Variants in TSPAN14 observed in about 807,000 individuals in gnomAD.
The protein encoded by TSPAN14 is tetraspanin 14.
A neutral mutation model predicts 36.6 loss-of-function variants in TSPAN14; 16 were observed. That is an observed-to-expected ratio of 0.44 (90% CI 0.30 to 0.66). The LOEUF is 0.66. Among genes scored for constraint, TSPAN14 ranks in the 30% least tolerant of loss-of-function variants. TSPAN14 has a pLI of 0.12. For synonymous variants in TSPAN14, 139 were observed against 143.8 expected (o/e 0.97, Z 0.24); for missense variants, 231 against 355.1 (o/e 0.65, Z 2.81).
chr10:80,511,744 C>CCCCTT (rs1840651349), intron 5 of TSPAN14, among the ~76,000 whole-genome samples: 1 of 148,082 alleles, frequency 6.8e-6, no homozygotes, highest in Non-Finnish European at 1.5e-5. Flanking sequence ...CTCTCTCTCT[C>CCCCTT]TCTCTCTCTC....
chr10:80,514,827 T>TG (rs1315415925), intron 7 of TSPAN14, among the ~76,000 whole-genome samples: 1 of 152,036 alleles, frequency 6.6e-6, no homozygotes, highest in Non-Finnish European at 1.5e-5. Context: ...GGTGGGGTCT[T>TG]GGGGAGGGGA....
intron 7 of TSPAN14, chr10:80,515,896 T>C: frequency 3.1e-6 from 1 of 322,228 alleles, no homozygotes; most frequent in Non-Finnish European, 5.7e-6. Context: ...TTCAAGCCCC[T>C]TCTCTTTCTC....
intron 1 of TSPAN14, among the ~76,000 whole-genome samples, chr10:80,478,344 G>A (rs1847040485): frequency 6.6e-6 from 1 of 152,004 alleles, no homozygotes; most frequent in Non-Finnish European, 1.5e-5. Flanking sequence ...AATAAATAAG[G>A]CAGAAAAGGT....
At chr10:80,465,552 CT>C (rs1458112462) in intron 1 of TSPAN14, among the ~76,000 whole-genome samples, 2 of 152,354 alleles carry the variant, frequency 1.3e-5, no homozygotes, top group Middle Eastern at 3.4e-3. Context: ...GGCTGTACCC[CT>C]ATCTCCCAGC....
chr10:80,461,894 G>C (rs569098907), intron 1 of TSPAN14, among the ~76,000 whole-genome samples: 1 of 150,824 alleles, frequency 6.6e-6, no homozygotes, highest in Non-Finnish European at 1.5e-5. Context: ...GGTTCTCACT[G>C]TTGTGAGATC....
At chr10:80,487,553 T>C (rs1278980542) in intron 1 of TSPAN14, among the ~76,000 whole-genome samples, 1 of 152,204 alleles carries the variant, frequency 6.6e-6, no homozygotes, top group Non-Finnish European at 1.5e-5. Flanking sequence ...GTCATGTTGC[T>C]GAAGGAAGGC....
intron 1 of TSPAN14, among the ~76,000 whole-genome samples, chr10:80,480,089 CTGTT>C (rs1246428413): frequency 6.6e-5 from 10 of 150,712 alleles, no homozygotes; most frequent in Non-Finnish European, 1.0e-4. Context: ...ATTTGGCTCT[CTGTT>C]TGTCTGTTAT....
At chr10:80,511,572 GTTGTGCC>G (rs1368569729) in intron 5 of TSPAN14, among the ~76,000 whole-genome samples, 1 of 152,146 alleles carries the variant, frequency 6.6e-6, no homozygotes, top group African/African-American at 2.4e-5. Context: ...GGCTGGGTAT[GTTGTGCC>G]TGGCAGTGGG....
chr10:80,520,866 G>C (rs765937912), exon 9 of TSPAN14: 1 of 526,560 alleles, frequency 1.9e-6, no homozygotes, highest in East Asian at 5.5e-5. Context: ...CTGCTTCTCT[G>C]CTTCAGAGGC....
chr10:80,519,672 T>C (rs1841150214), exon 9 of TSPAN14: 1 of 152,578 alleles, frequency 6.6e-6, no homozygotes, highest in Admixed American at 6.5e-5. Context: ...TATTGAGATA[T>C]TGCTAAGCAT....
intron 7 of TSPAN14, chr10:80,515,379 G>A (rs1821306672): frequency 6.6e-6 from 1 of 152,358 alleles, no homozygotes; most frequent in Non-Finnish European, 1.5e-5. Context: ...GCTCCCCTCT[G>A]TGCATGTCTG....
intron 1 of TSPAN14, chr10:80,459,292 A>G (rs1845868244): frequency 6.6e-6 from 1 of 152,468 alleles, no homozygotes; most frequent in Non-Finnish European, 1.5e-5. Context: ...ACCAGAGCTT[A>G]AGTGGGCCTG....
At chr10:80,489,996 G>A (rs10749609) in intron 2 of TSPAN14, among the ~76,000 whole-genome samples, 125,004 of 152,164 alleles carry the variant, frequency 0.82, 51,501 homozygotes, top group African/African-American at 0.87. Context: ...CTGGAGCTGA[G>A]TAAGTGGGAG....
At chr10:80,504,869 C>CA in intron 3 of TSPAN14, 91 bp downstream of exon 3, 1 of 1,384,778 alleles carries the variant, frequency 7.2e-7, no homozygotes, top group Non-Finnish European at 1.0e-6. Flanking sequence ...TGTTCCCTGA[C>CA]AACAAGCATT....
chr10:80,512,710 T>C (rs1261906812), intron 6 of TSPAN14, among the ~76,000 whole-genome samples: 1 of 152,136 alleles, frequency 6.6e-6, no homozygotes, highest in Non-Finnish European at 1.5e-5. Context: ...TCTTTTATTT[T>C]TGAGACAGGG....
At chr10:80,505,044 G>A (rs1840208896) in intron 3 of TSPAN14, among the ~76,000 whole-genome samples, 1 of 152,224 alleles carries the variant, frequency 6.6e-6, no homozygotes, top group Non-Finnish European at 1.5e-5. Flanking sequence ...TGTGCCCAGA[G>A]CAGGCTTGGG....
In TSPAN14 at chr10:80,509,179, G is replaced by T; in HGVS notation, c.280-122G>T. 9.4e-7 allele frequency: 1 copy of T among 1,067,028 alleles called. No homozygotes were observed. The highest frequency in any genetic ancestry group is 1.3e-6 in the Non-Finnish European group (1 of 741,798). The allele number at this position is 1,067,028 out of a possible 1,614,324, so 66.1% of individuals were successfully genotyped here. A position where few individuals can be genotyped will look rare whatever the true frequency, so the allele number is the denominator to read the frequency against. ...GTGGGGTTCTGGGGCCCCGATGTGG[G>T]ACTCTCAGGTGCAGAGCCCACGCTC... On this transcript the variant is annotated intron_variant, in intron 4 of 8. Coordinates refer to ENST00000429989, the Ensembl canonical transcript of TSPAN14. This position sits in a 1 kb window ranked among gnomAD's most constrained non-coding sequence, Gnocchi z 4.7.
chr10:80,511,740 CT>C (rs1840649612), intron 5 of TSPAN14, among the ~76,000 whole-genome samples: 1 of 141,620 alleles, frequency 7.1e-6, no homozygotes, highest in Non-Finnish European at 1.6e-5. Flanking sequence ...CTCTCTCTCT[CT>C]CTCTCTCTCT....
At chr10:80,455,036 C>A (rs4934189) in intron 1 of TSPAN14, among the ~76,000 whole-genome samples, 1 of 151,844 alleles carries the variant, frequency 6.6e-6, no homozygotes, top group Non-Finnish European at 1.5e-5. Flanking sequence ...AAAGCCTGAC[C>A]CCTGACCTAG....
Sources: allele counts gnomAD v4.1 joint callset (sites outside exome capture counted in the v4.1 genomes callset), GRCh38; gene constraint gnomAD v4.1.1; non-coding constraint Gnocchi (gnomAD v3.1); transcripts MANE v1.5; gene names NCBI Gene and HGNC (gene_info 2026-07-23, HGNC 2026-07-21).